DCC: variants seen among roughly 807,000 people sequenced by gnomAD.
DCC encodes the protein netrin receptor DCC.
DCC carries 58 observed loss-of-function variants against 172.5 expected under a neutral mutation model. That is an observed-to-expected ratio of 0.34 (90% CI 0.27 to 0.42). DCC has a LOEUF of 0.42. DCC is among the 10% of genes least tolerant of loss of function. The probability of loss-of-function intolerance (pLI) is 1.00; values close to 1 mark genes in which losing one functional copy is unlikely to be tolerated. For synonymous variants in DCC, 709 were observed against 644.5 expected, an observed-to-expected ratio of 1.10 and a Z score of -1.52; for missense variants, 1,740 against 1,791.0, an observed-to-expected ratio of 0.97 and a Z score of 0.51.
chr18:52,702,161 C>A (rs575912361), intron 1 of DCC, among the ~76,000 whole-genome samples: 2 of 152,078 alleles, frequency 1.3e-5, no homozygotes, highest in African/African-American at 2.4e-5. Flanking sequence ...TTTCTTTCTG[C>A]GAAACTGGAT....
intron 1 of DCC, among the ~76,000 whole-genome samples, chr18:52,410,878 G>A (rs1036961963): frequency 4.6e-5 from 7 of 152,102 alleles, no homozygotes; most frequent in African/African-American, 1.7e-4. Flanking sequence ...CTCCCTTGGA[G>A]AAGGAATACA....
At chr18:52,394,632 G>A (rs1184555663) in intron 1 of DCC, among the ~76,000 whole-genome samples, 1 of 151,994 alleles carries the variant, frequency 6.6e-6, no homozygotes, top group African/African-American at 2.4e-5. Flanking sequence ...GCATAAGTCA[G>A]TGGGCAGCAG....
At chr18:52,500,828 G>T (rs1205642452) in intron 1 of DCC, among the ~76,000 whole-genome samples, 1 of 151,934 alleles carries the variant, frequency 6.6e-6, no homozygotes, top group Non-Finnish European at 1.5e-5. Context: ...GTGTGACTTA[G>T]CCTTTTTGAT....
intron 2 of DCC, among the ~76,000 whole-genome samples, chr18:52,783,667 T>C (rs2037597920): frequency 6.6e-6 from 1 of 151,976 alleles, no homozygotes; most frequent in Admixed American, 6.6e-5. Flanking sequence ...TACTTCACTG[T>C]ATATACAAGT....
At chr18:53,498,215 C>T (rs1327559079) in intron 26 of DCC, among the ~76,000 whole-genome samples, 1 of 152,146 alleles carries the variant, frequency 6.6e-6, no homozygotes. Context: ...TTTCTATTTC[C>T]TCTGCCCTTT....
At chr18:53,208,990 C>G (rs1343424703) in intron 11 of DCC, among the ~76,000 whole-genome samples, 1 of 152,188 alleles carries the variant, frequency 6.6e-6, no homozygotes, top group Admixed American at 6.5e-5. Flanking sequence ...CTTGGCCTCA[C>G]ATAGTGCTGG....
intron 12 of DCC, among the ~76,000 whole-genome samples, chr18:53,221,171 T>C (rs547188924): frequency 9.2e-5 from 14 of 152,236 alleles, no homozygotes; most frequent in African/African-American, 3.4e-4. Flanking sequence ...AATTTAATTT[T>C]TTAAATTAAA....
At chr18:53,200,810 C>T (rs2055525811) in intron 9 of DCC, among the ~76,000 whole-genome samples, 1 of 152,138 alleles carries the variant, frequency 6.6e-6, no homozygotes, top group Admixed American at 6.5e-5. Flanking sequence ...ACAGCCCCTA[C>T]ATTGCTAAGT....
At chr18:53,179,181 T>C (rs899803379) in intron 9 of DCC, 65 bp downstream of exon 9, 5 of 1,484,246 alleles carry the variant, frequency 3.4e-6, no homozygotes, top group Non-Finnish European at 3.7e-6. Flanking sequence ...TATCCTTGAA[T>C]TCTTTCACAG....
intron 1 of DCC, among the ~76,000 whole-genome samples, chr18:52,383,528 A>G (rs1985671608): frequency 6.6e-6 from 1 of 152,038 alleles, no homozygotes; most frequent in Admixed American, 6.6e-5. Context: ...ATTTGTTTAT[A>G]TACATTAAGT....
intron 7 of DCC, among the ~76,000 whole-genome samples, chr18:53,075,543 ATTTT>A (rs145928746): frequency 3.4e-4 from 48 of 141,088 alleles, no homozygotes; most frequent in African/African-American, 1.1e-3. Context: ...GTGTTATCCC[ATTTT>A]TTTTTTTTTT....
chr18:52,401,976 A>C (rs963524703), intron 1 of DCC, among the ~76,000 whole-genome samples: 3 of 151,976 alleles, frequency 2.0e-5, no homozygotes, highest in Non-Finnish European at 4.4e-5. Flanking sequence ...TCAATTTATA[A>C]CGATATTATA....
intron 7 of DCC, among the ~76,000 whole-genome samples, chr18:53,078,182 T>C (rs1171698310): frequency 1.3e-5 from 2 of 152,110 alleles, no homozygotes; most frequent in African/African-American, 4.8e-5. Flanking sequence ...TCCCAGCTAC[T>C]TGGGAGATTG....
chr18:52,958,656 C>T (rs1352525914), intron 5 of DCC, among the ~76,000 whole-genome samples: 1 of 151,954 alleles, frequency 6.6e-6, no homozygotes, highest in Non-Finnish European at 1.5e-5. Context: ...AAGATCAGGA[C>T]TTGGTGGCCA....
intron 8 of DCC, among the ~76,000 whole-genome samples, chr18:53,166,949 C>A (rs1462010904): frequency 6.6e-6 from 1 of 152,100 alleles, no homozygotes; most frequent in Non-Finnish European, 1.5e-5. Flanking sequence ...TCATTAAACA[C>A]CATGTTTCAG....
intron 5 of DCC, among the ~76,000 whole-genome samples, chr18:52,984,673 TTG>T (rs2041264495): frequency 6.6e-6 from 1 of 152,128 alleles, no homozygotes; most frequent in Admixed American, 6.6e-5. Context: ...CATAATTATT[TTG>T]TTAGATTAAT....
chr18:53,469,238 G>GA (rs964121729), intron 25 of DCC, among the ~76,000 whole-genome samples: 1 of 151,972 alleles, frequency 6.6e-6, no homozygotes, highest in African/African-American at 2.4e-5. Context: ...TTACTCGCCT[G>GA]AAAAAAACCT....
intron 27 of DCC, among the ~76,000 whole-genome samples, chr18:53,508,152 C>T (rs2046205762): frequency 6.6e-6 from 1 of 152,000 alleles, no homozygotes; most frequent in Admixed American, 6.6e-5. Flanking sequence ...CTCGGCCTCC[C>T]AAAGTGCTGG....
intron 2 of DCC, among the ~76,000 whole-genome samples, chr18:52,860,049 C>G (rs983809018): frequency 2.0e-5 from 3 of 152,202 alleles, no homozygotes; most frequent in African/African-American, 7.2e-5. Context: ...AGGTGCATTG[C>G]CAATGGGCTA....
Sources: gnomAD v4.1 joint callset for allele counts (sites outside exome capture counted in the v4.1 genomes callset) on GRCh38, gnomAD v4.1.1 for gene constraint, MANE v1.5 for transcripts, NCBI Gene and HGNC (gene_info 2026-07-23, HGNC 2026-07-21) for gene names.